The following CDK13 variants were observed in gnomAD, a reference collection of about 807,000 sequenced individuals.
CDK13 encodes cyclin dependent kinase 13, also known as cyclin-dependent kinase 13.
A neutral mutation model predicts 137.6 loss-of-function variants in CDK13; 40 were observed. The observed-to-expected ratio is 0.29, with a 90% CI of 0.23 to 0.38. The LOEUF (loss-of-function observed/expected upper bound fraction) is 0.38, where lower values mean the gene tolerates loss of function less well. CDK13 is among the 10% of genes least tolerant of loss of function. The pLI is 1.00. For synonymous variants in CDK13, 869 were observed against 760.1 expected (o/e 1.14, Z -2.36); for missense variants, 1,704 against 1,951.8 (o/e 0.87, Z 2.39).
At chr7:39,973,347 A>C (rs887962570) in intron 1 of CDK13, among the ~76,000 whole-genome samples, 1 of 152,098 alleles carries the variant, frequency 6.6e-6, no homozygotes, top group Non-Finnish European at 1.5e-5. Context: ...CGTGCTGCCC[A>C]GTCTGGTCTC....
chr7:40,086,291 C>T (rs1786785612), intron 11 of CDK13, among the ~76,000 whole-genome samples: 1 of 152,060 alleles, frequency 6.6e-6, no homozygotes, highest in African/African-American at 2.4e-5. Context: ...TATGGAAATT[C>T]CTTTAAAAAA....
chr7:40,003,227 T>TCTCTCTCTCTCTCTC (rs1784731983), intron 5 of CDK13, among the ~76,000 whole-genome samples: 1 of 84,304 alleles, frequency 1.2e-5, no homozygotes, highest in African/African-American at 6.1e-5. Context: ...CTCTCTCTCT[T>TCTCTCTCTCTCTCTC]ACTCTGTTGA....
intron 5 of CDK13, among the ~76,000 whole-genome samples, chr7:40,006,787 A>T (rs1482259528): frequency 2.0e-5 from 3 of 152,200 alleles, no homozygotes; most frequent in African/African-American, 7.2e-5. Flanking sequence ...GTCTCAAATT[A>T]TCTTGCTAGA....
rs540353227 is a variant in CDK13, at chr7:39,960,503, C to T, written c.1211+8651C>T. On this transcript the variant is annotated intron_variant, in intron 1 of 13. Transcript: ENST00000181839. The stretch of plus-strand genomic sequence containing the variant: ...TAATCTCCTGACCTCGTGATCCGCC[C>T]GCCTTGGCCTCTCAAAGTGCTGGGA... Among the ~76,000 whole-genome samples, 63 of 152,132 alleles carry T rather than the reference C, an allele frequency of 4.1e-4. No individual in the cohort carries two copies. In the South Asian group the frequency reaches 0.011, roughly 26 times the overall value.
chr7:40,061,789 C>A (rs892588759), intron 7 of CDK13: 1 of 152,252 alleles, frequency 6.6e-6, no homozygotes, highest in African/African-American at 2.4e-5. Flanking sequence ...TGACCATTCT[C>A]TGAGCGTTGA....
chr7:40,009,918 A>T (rs2081053996), intron 5 of CDK13, among the ~76,000 whole-genome samples: 1 of 152,184 alleles, frequency 6.6e-6, no homozygotes, highest in African/African-American at 2.4e-5. Flanking sequence ...AGGAAGAAGT[A>T]AAACTGTCTT....
chr7:40,021,224 C>T (rs969998361), intron 5 of CDK13, among the ~76,000 whole-genome samples: 9 of 151,772 alleles, frequency 5.9e-5, no homozygotes, highest in Admixed American at 1.3e-4. Flanking sequence ...TGACTGGGCG[C>T]GGTGGCTCAC....
chr7:39,987,788 C>CGCAGAAGCAGCGAAAGCT lies in CDK13; in HGVS notation c.1411_1428dup (p.Ala471_Ala476dup). 1.9e-6 allele frequency: 3 copies of CGCAGAAGCAGCGAAAGCT among 1,613,792 alleles called. No homozygotes were observed. Among genetic ancestry groups the CGCAGAAGCAGCGAAAGCT allele is most frequent in the Non-Finnish European group, 2.5e-6 (3 of 1,179,944 alleles). The stretch of plus-strand genomic sequence containing the variant: ...CACGAGCAGCAGAGGCAGCAAGAGC[C>CGCAGAAGCAGCGAAAGCT]GCAGAAGCAGCGAAAGCTGCAGAAG... On this transcript the variant is annotated inframe_insertion, in exon 2 of 14. Transcript: ENST00000181839.
chr7:40,026,092 C>T (rs1291555286), intron 5 of CDK13, among the ~76,000 whole-genome samples: 1 of 152,220 alleles, frequency 6.6e-6, no homozygotes, highest in Non-Finnish European at 1.5e-5. Flanking sequence ...CTAGTGGCAT[C>T]TCTTTTAAGT....
Position 40,094,801 on chromosome 7 carries a change from C to A in CDK13, c.4360C>A (p.Pro1454Thr). ...STGPESTHPL[P>T]AKMHNYNYGG... Reference sequence around the variant, plus strand: ...GGGGCCAGAGAGTACTCATCCTTTGCCAGCAAAGATGCACAACTATAACTA... The same window carrying A: ...GGGGCCAGAGAGTACTCATCCTTTGACAGCAAAGATGCACAACTATAACTA... Residue 1454 changes from proline to threonine, a missense_variant, in exon 14 of 14, where the codon CCA becomes ACA. By Grantham distance (38) the Pro-to-Thr change is conservative. Around this residue, in one of 5 missense-constraint regions of CDK13, gnomAD observed 475 missense variants for 579.3 expected, o/e 0.82. Transcript: ENST00000181839. The A allele has an allele frequency of 6.3e-7, 1 of 1,593,830 alleles. No homozygotes were observed. Among genetic ancestry groups the A allele is most frequent in the Non-Finnish European group, 8.5e-7 (1 of 1,170,968 alleles).
At chr7:40,042,204 G>A (rs181670912) in intron 5 of CDK13, among the ~76,000 whole-genome samples, 9 of 151,660 alleles carry the variant, frequency 5.9e-5, no homozygotes, top group Admixed American at 3.9e-4. Flanking sequence ...TCAGCCTCCC[G>A]AGTAGCTGGG....
chr7:40,073,932 GCTGT>G, intron 9 of CDK13, among the ~76,000 whole-genome samples: 1 of 132,124 alleles, frequency 7.6e-6, no homozygotes, highest in South Asian at 2.4e-4. Context: ...ATAAAGTCTT[GCTGT>G]CTGTCATCCA....
At chr7:39,985,692 G>A (rs952600323) in intron 1 of CDK13, 4 of 152,146 alleles carry the variant, frequency 2.6e-5, no homozygotes, top group Admixed American at 6.5e-5. Flanking sequence ...AAAAAATGCT[G>A]AGTTTCAGAC....
At chr7:40,015,113 A>T (rs1377816240) in intron 5 of CDK13, among the ~76,000 whole-genome samples, 2 of 152,208 alleles carry the variant, frequency 1.3e-5, no homozygotes, top group African/African-American at 4.8e-5. Flanking sequence ...TCAAATCTTA[A>T]TTTGGAATGA....
intron 1 of CDK13, among the ~76,000 whole-genome samples, chr7:39,976,323 T>TCTCTCTCTCTCTCTCCCACACA: frequency 2.5e-5 from 1 of 39,548 alleles, no homozygotes; most frequent in Admixed American, 3.2e-4. Flanking sequence ...TCTCTCTCTC[T>TCTCTCTCTCTCTCTCCCACACA]CACACACACA....
In CDK13 at chr7:40,094,286, A is replaced by T; in HGVS notation, c.3845A>T (p.Gln1282Leu). The change falls in exon 14 of 14, where the codon CAG becomes CTG. Residue 1282 changes from glutamine (Q) to leucine (L), a missense_variant. By Grantham distance (113) the Gln-to-Leu change is moderately radical (BLOSUM62 -2). This residue lies in a region of CDK13 where 475 missense variants were observed against 579.3 expected (regional missense o/e 0.82). Coordinates refer to ENST00000181839, the MANE Select transcript of CDK13 (RefSeq NM_003718.5). ...EEDLDYRTENQHVPTTSSSLT... is the reference protein window; with the variant it reads ...EEDLDYRTENLHVPTTSSSLT... The stretch of plus-strand genomic sequence containing the variant: ...GATCTAGATTATCGGACAGAAAACC[A>T]GCATGTACCCACCACCAGTTCTTCA... 1.2e-6 allele frequency: 2 copies of T among 1,613,030 alleles called. No individual in the cohort carries two copies. Among genetic ancestry groups the T allele is most frequent in the African/African-American group, 2.7e-5 (2 of 74,978 alleles).
intron 5 of CDK13, among the ~76,000 whole-genome samples, chr7:40,013,013 G>A (rs536414000): frequency 4.6e-5 from 7 of 152,180 alleles, no homozygotes; most frequent in South Asian, 2.1e-4. Context: ...AGCAACCCAA[G>A]TGTCCTTGGA....
In CDK13 at chr7:40,095,152, T is replaced by A; in HGVS notation, c.*172T>A. 4.3e-6 allele frequency: 2 copies of A among 463,162 alleles called. No homozygotes were observed. Among genetic ancestry groups the A allele is most frequent in the Non-Finnish European group, 7.0e-6 (2 of 286,242 alleles). The allele number at this position is 463,162 out of a possible 1,614,324, so 28.7% of individuals were successfully genotyped here. ...AAAAAAGACAAAAAAAACCTTTGCTTAAATTCATGCTGTTCTAAAAACTAG... is the reference window on the plus strand; with the variant it reads ...AAAAAAGACAAAAAAAACCTTTGCTAAAATTCATGCTGTTCTAAAAACTAG... On this transcript the variant is annotated 3_prime_UTR_variant, in exon 14 of 14. Coordinates refer to ENST00000181839, the MANE Select transcript of CDK13 (RefSeq NM_003718.5).
At chr7:39,951,967 A>C in intron 1 of CDK13, 115 bp downstream of exon 1, 1 of 1,128,992 alleles carries the variant, frequency 8.9e-7, no homozygotes, top group Non-Finnish European at 1.1e-6. Flanking sequence ...CCGAGACGAG[A>C]CAACACCGCC....
Sources: allele counts gnomAD v4.1 joint callset (sites outside exome capture counted in the v4.1 genomes callset), GRCh38; gene constraint gnomAD v4.1.1; regional missense constraint gnomAD v4.1.1; transcripts MANE v1.5; gene names NCBI Gene and HGNC (gene_info 2026-07-23, HGNC 2026-07-21).